Variants in NRG1 observed in about 807,000 individuals in gnomAD.
The protein encoded by NRG1 is pro-neuregulin-1, membrane-bound isoform.
In NRG1, 18 loss-of-function variants were observed where a neutral mutation model predicts 63.8. The ratio of observed to expected loss-of-function variants is 0.28; its 90% confidence interval spans 0.19 to 0.42. The LOEUF (loss-of-function observed/expected upper bound fraction) is 0.42. Ranked by LOEUF, NRG1 falls within the 10% of genes least tolerant of loss-of-function variation. The pLI is 1.00. For missense variants in NRG1, 762 were observed against 814.7 expected (o/e 0.94, Z 0.79); for synonymous variants, 302 against 301.3 (o/e 1.00, Z -0.02).
At chr8:32,160,957 A>C (rs1838760908) in intron 1 of NRG1, among the ~76,000 whole-genome samples, 1 of 152,140 alleles carries the variant, frequency 6.6e-6, no homozygotes, top group Non-Finnish European at 1.5e-5. Flanking sequence ...CACTCTACTA[A>C]AATTATTGCC....
intron 3 of NRG1, among the ~76,000 whole-genome samples, chr8:32,605,961 T>C (rs1223884838): frequency 2.6e-5 from 4 of 151,900 alleles, no homozygotes; most frequent in African/African-American, 9.7e-5. Context: ...ATAGGGGCTA[T>C]ACTATTTTTT....
chr8:31,935,993 G>A lies in NRG1; in HGVS notation c.37+296562G>A, dbSNP rs545882145. On this transcript the variant is annotated intron_variant, in intron 1 of 10. Coordinates refer to the NRG1 transcript ENST00000519301. ...AGAGCATAATAGCAGATAGGAGTAA[G>A]TGAGCAGGAAACACAGAGAAATGGT... Among the ~76,000 whole-genome samples the A allele has an allele frequency of 9.2e-5, 14 of 152,236 alleles. No individual in the cohort carries two copies. In the East Asian group the frequency reaches 2.5e-3, roughly 27 times the overall value.
At chr8:32,013,624 G>A (rs747672401) in intron 1 of NRG1, among the ~76,000 whole-genome samples, 4 of 152,022 alleles carry the variant, frequency 2.6e-5, no homozygotes, top group East Asian at 1.9e-4. Context: ...CAGGTAGGGC[G>A]CCATACAGGA....
intron 6 of NRG1, among the ~76,000 whole-genome samples, chr8:32,733,868 A>G (rs886530450): frequency 1.3e-5 from 2 of 152,246 alleles, no homozygotes; most frequent in Non-Finnish European, 1.5e-5. Flanking sequence ...ATCATCATTT[A>G]TAGAGTCTTT....
intron 1 of NRG1, among the ~76,000 whole-genome samples, chr8:31,905,827 T>C (rs986487892): frequency 3.9e-5 from 6 of 152,208 alleles, no homozygotes; most frequent in Non-Finnish European, 8.8e-5. Context: ...AAGCATAATA[T>C]CTCTGCTCTT....
chr8:31,979,921 AT>A (rs1320604414), intron 1 of NRG1, among the ~76,000 whole-genome samples: 4 of 152,108 alleles, frequency 2.6e-5, no homozygotes, highest in African/African-American at 9.7e-5. Flanking sequence ...TGGCATTTTA[AT>A]TTATATGTCT....
At chr8:32,083,525 G>T (rs7009999) in intron 1 of NRG1, among the ~76,000 whole-genome samples, 4,657 of 152,214 alleles carry the variant, frequency 0.031, 252 homozygotes, top group African/African-American at 0.11. Flanking sequence ...CTCCCAATAG[G>T]AGATTTGGAT....
chr8:32,616,234 C>T (rs1847342127), intron 4 of NRG1, among the ~76,000 whole-genome samples: 1 of 151,752 alleles, frequency 6.6e-6, no homozygotes, highest in South Asian at 2.1e-4. Flanking sequence ...CTGAGAAAAT[C>T]TTGCTACTAG....
intron 1 of NRG1, among the ~76,000 whole-genome samples, chr8:32,120,460 A>G (rs939641541): frequency 2.6e-5 from 4 of 152,046 alleles, no homozygotes; most frequent in Admixed American, 1.3e-4. Context: ...AAGTGCTAAA[A>G]GTCTGTGAAA....
chr8:31,687,426 G>C (rs1179692461), intron 1 of NRG1, among the ~76,000 whole-genome samples: 1 of 152,168 alleles, frequency 6.6e-6, no homozygotes, highest in Non-Finnish European at 1.5e-5. Context: ...GTTGTGTAAG[G>C]CCTGTAGCCC....
intron 5 of NRG1, among the ~76,000 whole-genome samples, chr8:32,681,119 T>C (rs530879843): frequency 6.6e-6 from 1 of 152,076 alleles, no homozygotes; most frequent in African/African-American, 2.4e-5. Flanking sequence ...AGTAAGAGAG[T>C]AGGAATCAGA....
At position 32,436,751 on chromosome 8, in the gene NRG1, A is replaced by G. The variant is rs535920777; in HGVS notation, c.38-159077A>G. Among the ~76,000 whole-genome samples the G allele has an allele frequency of 2.0e-5, 3 of 152,264 alleles. No homozygotes were observed. In the South Asian group the frequency reaches 6.2e-4, roughly 32 times the overall value. On this transcript the variant is annotated intron_variant, in intron 1 of 10. Coordinates refer to the NRG1 transcript ENST00000519301. ...CATTATACAAATATTGTATGTTTCT[A>G]TTCTTTGCTTGAAGCTTCTGGTTAC...
chr8:32,014,303 C>T lies in NRG1; in HGVS notation c.37+374872C>T, dbSNP rs576875402. On this transcript the variant is annotated intron_variant, in intron 1 of 10. Transcript: ENST00000519301. ...AAGTTGTATTCCTAGGTATTTTATT[C>T]TCTTTGAAGCAATTATGAATGGGAG... is the stretch of plus-strand genomic sequence containing the variant. 2.0e-5 allele frequency among the ~76,000 whole-genome samples: 3 copies of T among 152,144 alleles called. No homozygotes were observed. In the East Asian group the frequency reaches 5.8e-4, roughly 29 times the overall value.
chr8:31,759,452 A>G (rs1817311200), intron 1 of NRG1, among the ~76,000 whole-genome samples: 1 of 152,058 alleles, frequency 6.6e-6, no homozygotes, highest in Non-Finnish European at 1.5e-5. Context: ...CTTTTCATAT[A>G]CATATCCACT....
chr8:32,356,474 A>ACCCCCCCCCCCCCCCCCCCCGC (rs11426642), intron 1 of NRG1, among the ~76,000 whole-genome samples: 2 of 69,336 alleles, frequency 2.9e-5, no homozygotes, highest in African/African-American at 5.9e-5. Context: ...CCTTGTTGGG[A>ACCCCCCCCCCCCCCCCCCCCGC]CCCCCCCCCC....
At chr8:31,814,412 A>G (rs1239806731) in intron 1 of NRG1, among the ~76,000 whole-genome samples, 1 of 152,206 alleles carries the variant, frequency 6.6e-6, no homozygotes, top group African/African-American at 2.4e-5. Context: ...AAATTGTGCT[A>G]TAGGGTGACT....
intron 1 of NRG1, among the ~76,000 whole-genome samples, chr8:31,959,829 A>G (rs1028521005): frequency 7.0e-6 from 1 of 142,866 alleles, no homozygotes; most frequent in African/African-American, 2.6e-5. Context: ...TTATTTATTT[A>G]TTTATTTATT....
At chr8:32,332,627 A>T (rs572633264) in intron 1 of NRG1, among the ~76,000 whole-genome samples, 57 of 152,354 alleles carry the variant, frequency 3.7e-4, no homozygotes, top group African/African-American at 1.3e-3. Context: ...CTATGAGAGC[A>T]GTCTATTATT....
chr8:32,522,333 CATT>C (rs780539436), intron 1 of NRG1, among the ~76,000 whole-genome samples: 2 of 152,150 alleles, frequency 1.3e-5, no homozygotes, highest in Non-Finnish European at 2.9e-5. Context: ...CTCATTGGAT[CATT>C]ATTTTAATTT....
Sources: allele counts gnomAD v4.1 joint callset (sites outside exome capture counted in the v4.1 genomes callset), GRCh38; gene constraint gnomAD v4.1.1; transcripts MANE v1.5; gene names NCBI Gene and HGNC (gene_info 2026-07-23, HGNC 2026-07-21).